The following ZNF277 variants were observed in gnomAD, a reference collection of about 807,000 sequenced individuals.
The protein encoded by ZNF277 is nuclear receptor-interacting factor 4.
ZNF277 carries 55 observed loss-of-function variants against 60.7 expected under a neutral mutation model. The ratio of observed to expected loss-of-function variants is 0.91; its 90% CI spans 0.73 to 1.13. The LOEUF (loss-of-function observed/expected upper bound fraction) is 1.13. ZNF277 is among the 50% of genes most tolerant of loss of function. The probability of loss-of-function intolerance (pLI) is 0.00; values close to 1 mark genes in which losing one functional copy is unlikely to be tolerated. For missense variants in ZNF277, 510 were observed against 523.0 expected (o/e 0.98, Z 0.24); for synonymous variants, 178 against 179.3 (o/e 0.99, Z 0.06).
chr7:112,255,217 A>G (rs1018265672), intron 1 of ZNF277, among the ~76,000 whole-genome samples: 5 of 152,198 alleles, frequency 3.3e-5, no homozygotes, highest in South Asian at 2.1e-4. Flanking sequence ...AAACACATCA[A>G]AAGCATACAG....
At chr7:112,231,182 C>T (rs1283797842) in intron 1 of ZNF277, among the ~76,000 whole-genome samples, 1 of 149,222 alleles carries the variant, frequency 6.7e-6, no homozygotes, top group Admixed American at 6.7e-5. Flanking sequence ...CCATTGCACT[C>T]CAGCCTGGCA....
intron 5 of ZNF277, among the ~76,000 whole-genome samples, chr7:112,324,119 T>TAA (rs1793046572): frequency 6.6e-6 from 1 of 152,188 alleles, no homozygotes; most frequent in South Asian, 2.1e-4. Context: ...GGGTTACATC[T>TAA]CAATAAAGTC....
intron 4 of ZNF277, among the ~76,000 whole-genome samples, chr7:112,298,278 G>A (rs2117080492): frequency 6.6e-6 from 1 of 152,220 alleles, no homozygotes; most frequent in Admixed American, 6.6e-5. Flanking sequence ...CTGGCACATA[G>A]AAGGCACTTA....
At chr7:112,206,847 C>T in intron 1 of ZNF277, 40 bp downstream of exon 1, 2 of 1,594,180 alleles carry the variant, frequency 1.3e-6, no homozygotes, top group Non-Finnish European at 1.7e-6. Flanking sequence ...ATGTGTCTTC[C>T]TTTCTCTATG....
At chr7:112,316,136 T>C (rs1311074435) in intron 4 of ZNF277, among the ~76,000 whole-genome samples, 1 of 152,118 alleles carries the variant, frequency 6.6e-6, no homozygotes, top group African/African-American at 2.4e-5. Flanking sequence ...TTTCATGAGA[T>C]CCCTTTCAGC....
intron 1 of ZNF277, among the ~76,000 whole-genome samples, chr7:112,286,449 C>T (rs1039893053): frequency 6.6e-6 from 1 of 152,142 alleles, no homozygotes; most frequent in Admixed American, 6.6e-5. Context: ...TCATCTGTCG[C>T]CTTAATGTAT....
At chr7:112,266,468 G>C (rs1247612247) in intron 1 of ZNF277, among the ~76,000 whole-genome samples, 2 of 152,066 alleles carry the variant, frequency 1.3e-5, no homozygotes, top group Non-Finnish European at 2.9e-5. Flanking sequence ...TCTTAAGATT[G>C]CTATATAGTT....
chr7:112,333,016 T>C (rs1293048090), intron 7 of ZNF277, among the ~76,000 whole-genome samples: 2 of 152,146 alleles, frequency 1.3e-5, no homozygotes, highest in Non-Finnish European at 2.9e-5. Flanking sequence ...TAAAGGCCAG[T>C]GTCTTCTCAG....
chr7:112,280,654 C>G (rs1339133761), intron 1 of ZNF277, among the ~76,000 whole-genome samples: 1 of 150,852 alleles, frequency 6.6e-6, no homozygotes, highest in Non-Finnish European at 1.5e-5. Flanking sequence ...GAGACCAAGT[C>G]TCACTCTGTC....
chr7:112,314,961 G>A (rs182656711), intron 4 of ZNF277, among the ~76,000 whole-genome samples: 19 of 152,170 alleles, frequency 1.2e-4, no homozygotes, highest in African/African-American at 4.1e-4. Context: ...GTGTAATTAC[G>A]TATTTGCAGA....
Position 112,320,978 on chromosome 7 carries a change from G to T in ZNF277, c.557+2705G>T, listed in dbSNP as rs193262430. On this transcript the variant is annotated intron_variant, in intron 5 of 11. Coordinates refer to ENST00000361822, the MANE Select transcript of ZNF277 (RefSeq NM_021994.3). ...ACTCTGTCGCCCAGCCTGGAGTGCA[G>T]TGGCAGGATCTCGGCTCACTGCAAG... Among the ~76,000 whole-genome samples the T allele has an allele frequency of 2.6e-3, 368 of 139,196 alleles. 3 individuals carry two copies. The Middle Eastern group carries it at 0.029, about 11-fold the overall frequency. 91.3% of individuals were successfully genotyped at this position (139,196 alleles called of 152,430 possible). A position where few individuals can be genotyped will look rare whatever the true frequency, so the allele number is the denominator to read the frequency against.
chr7:112,253,439 C>G (rs1791240210), intron 1 of ZNF277, among the ~76,000 whole-genome samples: 1 of 152,144 alleles, frequency 6.6e-6, no homozygotes, highest in Non-Finnish European at 1.5e-5. Context: ...TGCTACCCAA[C>G]CTGTTGAAAT....
At chr7:112,296,005 C>G in intron 3 of ZNF277, 48 bp downstream of exon 3, 1 of 1,370,566 alleles carries the variant, frequency 7.3e-7, no homozygotes, top group African/African-American at 1.4e-5. Flanking sequence ...TATAAAAATT[C>G]AAAGGAATAA....
intron 8 of ZNF277, among the ~76,000 whole-genome samples, chr7:112,337,240 A>T (rs1315338087): frequency 6.6e-6 from 1 of 152,200 alleles, no homozygotes; most frequent in East Asian, 1.9e-4. Flanking sequence ...CGCCAGATTT[A>T]ACACTTGCCC....
chr7:112,274,739 T>C (rs1791754604), intron 1 of ZNF277, among the ~76,000 whole-genome samples: 1 of 152,226 alleles, frequency 6.6e-6, no homozygotes, highest in African/African-American at 2.4e-5. Context: ...TTAACTAGAC[T>C]ACTATTTCCA....
At chr7:112,217,334 A>G (rs1239580269) in intron 1 of ZNF277, among the ~76,000 whole-genome samples, 1 of 152,240 alleles carries the variant, frequency 6.6e-6, no homozygotes, top group Non-Finnish European at 1.5e-5. Flanking sequence ...AACTAAGGGC[A>G]TATACAACAA....
chr7:112,241,996 T>C (rs1378046057), intron 1 of ZNF277, among the ~76,000 whole-genome samples: 1 of 151,988 alleles, frequency 6.6e-6, no homozygotes, highest in Non-Finnish European at 1.5e-5. Flanking sequence ...AAATAAATAG[T>C]ATAATTGGAA....
At chr7:112,255,659 A>G (rs1791292630) in intron 1 of ZNF277, among the ~76,000 whole-genome samples, 1 of 152,248 alleles carries the variant, frequency 6.6e-6, no homozygotes, top group African/African-American at 2.4e-5. Context: ...GAAGCCTGAT[A>G]TAATAAGCAC....
At chr7:112,325,137 G>A (rs1793066402) in intron 5 of ZNF277, among the ~76,000 whole-genome samples, 1 of 152,156 alleles carries the variant, frequency 6.6e-6, no homozygotes, top group African/African-American at 2.4e-5. Context: ...CATAATATTG[G>A]AGAGGACAGC....
Sources: allele counts gnomAD v4.1 joint callset (sites outside exome capture counted in the v4.1 genomes callset), GRCh38; gene constraint gnomAD v4.1.1; transcripts MANE v1.5; gene names NCBI Gene and HGNC (gene_info 2026-07-23, HGNC 2026-07-21).